Variants in TYSND1 observed in about 807,000 individuals in gnomAD.
TYSND1 encodes peroxisomal leader peptide-processing protease.
Under a neutral mutation model 37.2 loss-of-function variants are expected in TYSND1, and 30 were observed. That is an observed-to-expected ratio of 0.81 (90% CI 0.60 to 1.09). The LOEUF is 1.09. Among genes scored for constraint, TYSND1 ranks in the 50% least tolerant of loss-of-function variants. TYSND1 has a pLI of 0.00. For synonymous variants in TYSND1, 364 were observed against 383.8 expected (o/e 0.95, Z 0.60); for missense variants, 806 against 817.4 (o/e 0.99, Z 0.17).
chr10:70,145,190 C>T (rs1378111106), intron 1 of TYSND1, among the ~76,000 whole-genome samples: 1 of 152,170 alleles, frequency 6.6e-6, no homozygotes, highest in Non-Finnish European at 1.5e-5. Flanking sequence ...TTCAGGGTGT[C>T]CCACAGTACC....
chr10:70,139,047 T>C lies in TYSND1; in HGVS notation c.*877A>G, dbSNP rs1388641824. The C allele has an allele frequency of 1.4e-5, 2 of 145,032 alleles. No homozygotes were observed. The highest frequency in any genetic ancestry group is 7.2e-5 in the Admixed American group (1 of 13,944). The allele number at this position is 145,032 out of a possible 1,614,324, so 9.0% of individuals were successfully genotyped here. Reference sequence around the variant, plus strand: ...AGGAGTTTGAGGCTGCAGTGAGCTGTGATCGCAACACTGCACTCCAGCCTG... The same window carrying C: ...AGGAGTTTGAGGCTGCAGTGAGCTGCGATCGCAACACTGCACTCCAGCCTG... On this transcript the variant is annotated 3_prime_UTR_variant, in exon 4 of 4. Coordinates refer to ENST00000287078, the MANE Select transcript of TYSND1 (RefSeq NM_173555.4).
In TYSND1 at chr10:70,142,873, G is replaced by A; in HGVS notation, c.1298-20C>T. 3.7e-6 allele frequency: 6 copies of A among 1,610,648 alleles called. No individual in the cohort carries two copies. Among genetic ancestry groups the A allele is most frequent in the Non-Finnish European group, 5.1e-6 (6 of 1,177,824 alleles). On this transcript the variant is annotated intron_variant, in intron 2 of 3. Transcript: ENST00000287078. Reference sequence around the variant, plus strand: ...CCTCGCCTGCCAGGGAAGGAAGGAGGGTGAAGCTGGGGACACCTGTGTTAC... The same window carrying A: ...CCTCGCCTGCCAGGGAAGGAAGGAGAGTGAAGCTGGGGACACCTGTGTTAC...
Position 70,146,254 on chromosome 10 carries a change from C to T in TYSND1, c.333G>A (p.Ala111=). The T allele has an allele frequency of 6.8e-7, 1 of 1,481,172 alleles. No individual in the cohort carries two copies. 91.8% of individuals were successfully genotyped at this position (1,481,172 alleles called of 1,614,324 possible). A position where few individuals can be genotyped will look rare whatever the true frequency, so the allele number is the denominator to read the frequency against. The change falls in exon 1 of 4, where the codon GCG becomes GCA. Residue 111 remains alanine (A), a synonymous_variant. Coordinates refer to ENST00000287078, the MANE Select transcript of TYSND1 (RefSeq NM_173555.4). ...GGGCAGGTGGGCCGGGCTCGAGGCT[C>T]GCGCACTGGGGCGTGCACAGCCCTG... ...GRPGLCTPQC[A]SLEPGPPAPS...
At chr10:70,142,997 G>C in intron 2 of TYSND1, 144 bp from the exon 3 acceptor site, 1 of 969,256 alleles carries the variant, frequency 1.0e-6, no homozygotes, top group Non-Finnish European at 1.5e-6. Flanking sequence ...TGCCTCCAGA[G>C]AGCCTTCCCC....
At chr10:70,144,179 T>C in intron 1 of TYSND1, 1 of 619,018 alleles carries the variant, frequency 1.6e-6, no homozygotes, top group South Asian at 2.0e-5. Context: ...TAAAGCTTCC[T>C]GTACCTGAAT....
At chr10:70,144,668 T>C (rs566234786) in intron 1 of TYSND1, 12 of 985,664 alleles carry the variant, frequency 1.2e-5, no homozygotes, top group Non-Finnish European at 1.2e-5. Context: ...GCAAGGGGCA[T>C]GTGGGGGGAG....
chr10:70,139,793 G>A lies in TYSND1; in HGVS notation c.*131C>T. On this transcript the variant is annotated 3_prime_UTR_variant, in exon 4 of 4. Transcript: ENST00000287078. Reference sequence around the variant, plus strand: ...GAGCCCAAAGCCCAGTCTGCAGTCAGTGGGTGGAGATGAGAGGCAGCCTGG... The same window carrying A: ...GAGCCCAAAGCCCAGTCTGCAGTCAATGGGTGGAGATGAGAGGCAGCCTGG... 1 of 858,700 alleles carries A rather than the reference G, an allele frequency of 1.2e-6. No individual in the cohort carries two copies. The highest frequency in any genetic ancestry group is 1.7e-5 in the South Asian group (1 of 58,942). 53.2% of individuals were successfully genotyped at this position (858,700 alleles called of 1,614,324 possible).
At chr10:70,145,301 T>A (rs1352132046) in intron 1 of TYSND1, 120 bp downstream of exon 1, 1 of 999,036 alleles carries the variant, frequency 1.0e-6, no homozygotes, top group Non-Finnish European at 1.3e-6. Flanking sequence ...CTCTACCCAC[T>A]ACACGCCCAA....
In TYSND1 at chr10:70,143,881, C is replaced by T; in HGVS notation, c.1258G>A (p.Asp420Asn). Residue 420 changes from aspartate to asparagine, a missense_variant, in exon 2 of 4, where the codon GAT becomes AAT. By Grantham distance (23) the Asp-to-Asn change is conservative. This residue lies in a region of TYSND1 where 708 missense variants were observed against 705.4 expected (regional missense o/e 1.00). Transcript: ENST00000287078. ...TCAGCGGGCACAGGGATGGGGACAT[C>T]ATCCAGGTCCTCCTCCAGGCTCACC... ...AVVSLEEDLD[D>N]VPIPVPAEHF... is the part of the protein sequence containing the mutation. 6.2e-7 allele frequency: 1 copy of T among 1,614,216 alleles called. No individual in the cohort carries two copies. The highest frequency in any genetic ancestry group is 1.1e-5 in the South Asian group (1 of 91,082).
Position 70,146,605 on chromosome 10 carries a change from T to G in TYSND1, c.-19A>C. 1 of 1,489,802 alleles carries G rather than the reference T, an allele frequency of 6.7e-7. No individual in the cohort carries two copies. Among genetic ancestry groups the G allele is most frequent in the Non-Finnish European group, 8.9e-7 (1 of 1,126,548 alleles). The allele number at this position is 1,489,802 out of a possible 1,614,324, so 92.3% of individuals were successfully genotyped here. Reference sequence around the variant, plus strand: ...TTCTCATGGCCTCTAGGCCGGACACTCGGGAGCTTCTCCGAGAAACAGCAA... The same window carrying G: ...TTCTCATGGCCTCTAGGCCGGACACGCGGGAGCTTCTCCGAGAAACAGCAA... On this transcript the variant is annotated 5_prime_UTR_variant, in exon 1 of 4. Coordinates refer to ENST00000287078, the MANE Select transcript of TYSND1 (RefSeq NM_173555.4).
At chr10:70,144,406 G>T in intron 1 of TYSND1, 1 of 965,838 alleles carries the variant, frequency 1.0e-6, no homozygotes, top group Non-Finnish European at 1.2e-6. Context: ...TCACTGCCTC[G>T]TTGATACCCA....
At position 70,143,630 on chromosome 10, in the gene TYSND1, A is replaced by T. The variant is rs542775097; in HGVS notation, c.1297+212T>A. 5.9e-5 allele frequency among the ~76,000 whole-genome samples: 9 copies of T among 152,352 alleles called. No homozygotes were observed. The East Asian group carries it at 1.7e-3, about 29-fold the overall frequency. ...CCCAAAGGCCCAGCATCCTCACACT[A>T]CATTGCTGCAGGCACTCGGGGAAAG... On this transcript the variant is annotated intron_variant, in intron 2 of 3. Coordinates refer to ENST00000287078, the MANE Select transcript of TYSND1 (RefSeq NM_173555.4).
intron 1 of TYSND1, chr10:70,144,225 G>A (rs1472964296): frequency 5.8e-6 from 3 of 512,966 alleles, no homozygotes; most frequent in Admixed American, 3.6e-5. Context: ...TGTGGGCCAG[G>A]TTTGGTGTTA....
At position 70,140,148 on chromosome 10, in the gene TYSND1, A is replaced by T. The variant is rs1156935324; in HGVS notation, c.1484-7T>A. The T allele has an allele frequency of 6.3e-7, 1 of 1,596,308 alleles. No individual in the cohort carries two copies. The highest frequency in any genetic ancestry group is 1.3e-5 in the African/African-American group (1 of 74,690). Reference sequence around the variant, plus strand: ...GTGTTGCTGGTGATTATGCCTGTTGAGGAGTCAGAGAGCAAAAGAGGATGT... The same window carrying T: ...GTGTTGCTGGTGATTATGCCTGTTGTGGAGTCAGAGAGCAAAAGAGGATGT... On this transcript the variant is annotated splice_region_variant and splice_polypyrimidine_tract_variant and intron_variant, in intron 3 of 3. Transcript: ENST00000287078.
Position 70,139,963 on chromosome 10 carries a change from C to A in TYSND1, c.1662G>T (p.Leu554Phe). 6.2e-7 allele frequency: 1 copy of A among 1,613,832 alleles called. No homozygotes were observed. The highest frequency in any genetic ancestry group is 8.5e-7 in the Non-Finnish European group (1 of 1,179,926). The stretch of plus-strand genomic sequence containing the variant: ...GCGGGGCCTCTGCCAGGGGCCGCTG[C>A]AACCGCCACACCACCCTGACTGGCT... ...AAEPVRVVWR[L>F]QRPLAEAPRS... is the part of the protein sequence containing the mutation. Residue 554 changes from leucine (L) to phenylalanine (F), a missense_variant, in exon 4 of 4, where the codon TTG (leucine) becomes TTT (phenylalanine). Coordinates refer to ENST00000287078, the MANE Select transcript of TYSND1 (RefSeq NM_173555.4).
At position 70,140,146 on chromosome 10, in the gene TYSND1, TGAG is replaced by T. The variant is rs764206208; in HGVS notation, c.1484-8_1484-6del. The T allele has an allele frequency of 3.1e-6, 5 of 1,598,970 alleles. No homozygotes were observed. Among genetic ancestry groups the T allele is most frequent in the Non-Finnish European group, 4.3e-6 (5 of 1,169,584 alleles). On this transcript the variant is annotated splice_region_variant and splice_polypyrimidine_tract_variant and intron_variant, in intron 3 of 3. Transcript: ENST00000287078. Reference sequence around the variant, plus strand: ...GGGTGTTGCTGGTGATTATGCCTGTTGAGGAGTCAGAGAGCAAAAGAGGATGTG... The same window carrying T: ...GGGTGTTGCTGGTGATTATGCCTGTTGAGTCAGAGAGCAAAAGAGGATGTG...
At position 70,145,531 on chromosome 10, in the gene TYSND1, G is replaced by A. The variant is rs376874341; in HGVS notation, c.1056C>T (p.Cys352=). 8 of 1,517,958 alleles carry A rather than the reference G, an allele frequency of 5.3e-6. No homozygotes were observed. Among genetic ancestry groups the A allele is most frequent in the African/African-American group, 1.4e-5 (1 of 70,246 alleles). The allele number at this position is 1,517,958 out of a possible 1,614,324, so 94.0% of individuals were successfully genotyped here. ...CCACTCCGGAGCCCCATACGGTGCC[G>A]CACTCCACCAACACTGCCGCGGCTG... The part of the protein sequence containing the change: ...LWAAAAVLVE[C]GTVWGSGVAV... The change falls in exon 1 of 4, where the codon TGC becomes TGT. Residue 352 remains cysteine (C), a synonymous_variant. Transcript: ENST00000287078.
rs571061942 is a variant in TYSND1, at chr10:70,138,770, G to A, written c.*1154C>T. 3.3e-5 allele frequency: 5 copies of A among 152,458 alleles called. No homozygotes were observed. In the South Asian group the frequency reaches 1.0e-3, roughly 32 times the overall value. The allele number at this position is 152,458 out of a possible 1,614,324, so 9.4% of individuals were successfully genotyped here. ...CCAGTCTGGCAGGACCGTATCCCGT[G>A]AGCTCACACCCTGCTGAGAAAACAG... On this transcript the variant is annotated 3_prime_UTR_variant, in exon 4 of 4. Coordinates refer to ENST00000287078, the MANE Select transcript of TYSND1 (RefSeq NM_173555.4).
chr10:70,142,639 G>A, intron 3 of TYSND1, 29 bp downstream of exon 3: 3 of 1,523,640 alleles, frequency 2.0e-6, no homozygotes, highest in Non-Finnish European at 2.7e-6. Context: ...GCAAGTGGGA[G>A]GGCGGGAGGG....
Sources: allele counts gnomAD v4.1 joint callset (sites outside exome capture counted in the v4.1 genomes callset), GRCh38; gene constraint gnomAD v4.1.1; regional missense constraint gnomAD v4.1.1; transcripts MANE v1.5; gene names NCBI Gene and HGNC (gene_info 2026-07-23, HGNC 2026-07-21).